Variants in RRAS2 observed in about 807,000 individuals in gnomAD.
The protein encoded by RRAS2 is ras-related protein R-Ras2.
RRAS2 carries 7 observed loss-of-function variants against 27.6 expected under a neutral mutation model. The ratio of observed to expected loss-of-function variants is 0.25; its 90% CI spans 0.14 to 0.48. The LOEUF (loss-of-function observed/expected upper bound fraction) is 0.48. RRAS2 is among the 20% of genes least tolerant of loss of function. RRAS2 has a pLI of 0.99. For missense variants in RRAS2, 178 were observed against 256.2 expected, an observed-to-expected ratio of 0.69 and a Z score of 2.08; for synonymous variants, 86 against 90.9, an observed-to-expected ratio of 0.95 and a Z score of 0.31.
At chr11:14,357,782 T>C (rs1849114451) in intron 1 of RRAS2, among the ~76,000 whole-genome samples, 1 of 152,218 alleles carries the variant, frequency 6.6e-6, no homozygotes. Context: ...TTTCCTGTTA[T>C]AACAGGGTAC....
chr11:14,282,205 T>C (rs1444922360), intron 4 of RRAS2, among the ~76,000 whole-genome samples: 1 of 152,062 alleles, frequency 6.6e-6, no homozygotes, highest in African/African-American at 2.4e-5. Flanking sequence ...AAAAGAAGCG[T>C]CACATAGCTG....
intron 4 of RRAS2, 96 bp downstream of exon 4, chr11:14,294,372 ATTT>A (rs5789833): frequency 3.6e-6 from 2 of 563,304 alleles, no homozygotes; most frequent in Non-Finnish European, 5.7e-6. Context: ...GGAGCACCGT[ATTT>A]TTTTTTTACT....
Position 14,294,806 on chromosome 11 carries a change from T to G in RRAS2, c.253A>C (p.Thr85Pro). 6.2e-7 allele frequency: 1 copy of G among 1,613,806 alleles called. No homozygotes were observed. Among genetic ancestry groups the G allele is most frequent in the Non-Finnish European group, 8.5e-7 (1 of 1,179,922 alleles). Residue 85 changes from threonine (T) to proline (P), a missense_variant, in exon 3 of 6, where the codon ACT becomes CCT. Transcript: ENST00000256196. ...AAGACCAACAGGAAGCCTTCGCCAGTCCTCATATACTGTTCTCTCATGGCT... is the reference window on the plus strand; with the variant it reads ...AAGACCAACAGGAAGCCTTCGCCAGGCCTCATATACTGTTCTCTCATGGCT... Reference protein sequence around the residue: ...FGAMREQYMRTGEGFLLVFSV... With the variant: ...FGAMREQYMRPGEGFLLVFSV...
intron 1 of RRAS2, among the ~76,000 whole-genome samples, chr11:14,310,948 T>A (rs1847950000): frequency 6.6e-6 from 1 of 152,362 alleles, no homozygotes; most frequent in South Asian, 2.1e-4. Flanking sequence ...CCAAGAACCA[T>A]CCCACAGAGG....
At chr11:14,349,115 G>A (rs1165512270) in intron 1 of RRAS2, among the ~76,000 whole-genome samples, 5 of 151,496 alleles carry the variant, frequency 3.3e-5, no homozygotes, top group African/African-American at 9.7e-5. Flanking sequence ...ATAGGCACCC[G>A]CGACCACGCC....
intron 1 of RRAS2, among the ~76,000 whole-genome samples, chr11:14,314,815 A>C (rs1554949300): frequency 2.0e-5 from 3 of 152,110 alleles, no homozygotes; most frequent in Non-Finnish European, 4.4e-5. Context: ...CAGCCTCCAG[A>C]GTAGCTGGGA....
chr11:14,286,970 T>C (rs1236763869), intron 4 of RRAS2, among the ~76,000 whole-genome samples: 1 of 152,176 alleles, frequency 6.6e-6, no homozygotes, highest in Non-Finnish European at 1.5e-5. Context: ...TCATATAAAA[T>C]ACCCCTATGC....
chr11:14,281,824 T>C (rs987492058), intron 4 of RRAS2, 104 bp from the exon 5 acceptor site: 1 of 972,414 alleles, frequency 1.0e-6, no homozygotes, highest in Admixed American at 2.6e-5. Context: ...AGAGGCCAAG[T>C]TGTTTTATCA....
At chr11:14,326,685 C>T (rs1410412131) in intron 1 of RRAS2, among the ~76,000 whole-genome samples, 1 of 152,120 alleles carries the variant, frequency 6.6e-6, no homozygotes, top group Non-Finnish European at 1.5e-5. Context: ...GGGCACTGAG[C>T]AATCAAGCAG....
At chr11:14,301,119 T>C (rs1231104973) in intron 1 of RRAS2, among the ~76,000 whole-genome samples, 1 of 151,952 alleles carries the variant, frequency 6.6e-6, no homozygotes, top group Non-Finnish European at 1.5e-5. Context: ...CCATAGGGTA[T>C]AGAAAGGGGA....
intron 1 of RRAS2, among the ~76,000 whole-genome samples, chr11:14,351,235 T>C (rs573773281): frequency 6.6e-6 from 1 of 152,274 alleles, no homozygotes; most frequent in Non-Finnish European, 1.5e-5. Flanking sequence ...AAAATATCAA[T>C]GTCATAAAAC....
At chr11:14,297,992 TA>T (rs141304907) in intron 1 of RRAS2, among the ~76,000 whole-genome samples, 56 of 143,380 alleles carry the variant, frequency 3.9e-4, no homozygotes, top group African/African-American at 1.1e-3. Flanking sequence ...TAACTAGCCT[TA>T]AAAAAAAAAA....
chr11:14,305,599 T>C (rs1470994241), intron 1 of RRAS2, among the ~76,000 whole-genome samples: 1 of 152,134 alleles, frequency 6.6e-6, no homozygotes, highest in African/African-American at 2.4e-5. Context: ...ACATTCTAAG[T>C]ACAAAAACAC....
At chr11:14,355,580 T>C (rs1226243722) in intron 1 of RRAS2, among the ~76,000 whole-genome samples, 1 of 152,212 alleles carries the variant, frequency 6.6e-6, no homozygotes, top group Non-Finnish European at 1.5e-5. Flanking sequence ...TTCCCTAATT[T>C]TGCAACTCTT....
chr11:14,356,598 G>C (rs1849077796), intron 1 of RRAS2: 10 of 259,340 alleles, frequency 3.9e-5, no homozygotes, highest in South Asian at 3.9e-4. Context: ...GCCGATAAAT[G>C]ACAGAGCTTT....
intron 1 of RRAS2, among the ~76,000 whole-genome samples, chr11:14,348,922 T>G (rs1591488808): frequency 6.6e-6 from 1 of 152,204 alleles, no homozygotes; most frequent in East Asian, 1.9e-4. Context: ...GATGTACGCA[T>G]GTGTATCCAT....
At chr11:14,357,063 G>A (rs1849094726) in intron 1 of RRAS2, among the ~76,000 whole-genome samples, 2 of 152,046 alleles carry the variant, frequency 1.3e-5, no homozygotes, top group Admixed American at 1.3e-4. Context: ...TGGGATTACA[G>A]GTGTGAGCCA....
At chr11:14,350,940 C>T (rs1354311749) in intron 1 of RRAS2, among the ~76,000 whole-genome samples, 1 of 152,160 alleles carries the variant, frequency 6.6e-6, no homozygotes, top group South Asian at 2.1e-4. Flanking sequence ...ATTCCTACCA[C>T]GTAGACTGCT....
intron 4 of RRAS2, among the ~76,000 whole-genome samples, chr11:14,291,167 T>A (rs574403738): frequency 6.6e-6 from 1 of 152,270 alleles, no homozygotes; most frequent in South Asian, 2.1e-4. Flanking sequence ...CAGGAAAACA[T>A]ACACATTATC....
Sources: gnomAD v4.1 joint callset for allele counts (sites outside exome capture counted in the v4.1 genomes callset) on GRCh38, gnomAD v4.1.1 for gene constraint, MANE v1.5 for transcripts, NCBI Gene and HGNC (gene_info 2026-07-23, HGNC 2026-07-21) for gene names.